The following CALD1 variants were observed in gnomAD, a reference collection of about 807,000 sequenced individuals.
CALD1 encodes caldesmon 1.
In CALD1, 33 loss-of-function variants were observed where a neutral mutation model predicts 99.9. The observed-to-expected ratio is 0.33, with a 90% CI of 0.25 to 0.44. The LOEUF (loss-of-function observed/expected upper bound fraction) is 0.44, where lower values mean the gene tolerates loss of function less well. CALD1 is among the 20% of genes least tolerant of loss of function. CALD1 has a pLI of 1.00. For synonymous variants in CALD1, 310 were observed against 325.0 expected (o/e 0.95, Z 0.50); for missense variants, 861 against 962.1 (o/e 0.89, Z 1.39).
At chr7:134,942,736 ATGTCT>A (rs1806546269) in intron 7 of CALD1, among the ~76,000 whole-genome samples, 1 of 152,226 alleles carries the variant, frequency 6.6e-6, no homozygotes, top group Admixed American at 6.5e-5. Flanking sequence ...AGTTTAAAAG[ATGTCT>A]TGTAAACATA....
intron 3 of CALD1, among the ~76,000 whole-genome samples, chr7:134,921,025 T>C (rs1804581728): frequency 6.6e-6 from 1 of 152,230 alleles, no homozygotes; most frequent in Non-Finnish European, 1.5e-5. Flanking sequence ...GCACAGGGAA[T>C]ATTGAAGAAC....
At position 134,969,180 on chromosome 7, in the gene CALD1, A is replaced by G. The variant is rs1057380390; in HGVS notation, c.*835A>G. On this transcript the variant is annotated 3_prime_UTR_variant, in exon 15 of 15. Transcript: ENST00000361675. ...AAAAATCACACTATATTAATATTTTATATTTGCCAACAGAAACATGGCAGA... is the reference window on the plus strand; with the variant it reads ...AAAAATCACACTATATTAATATTTTGTATTTGCCAACAGAAACATGGCAGA... The G allele has an allele frequency of 5.2e-5, 8 of 152,574 alleles. No individual in the cohort carries two copies. The highest frequency in any genetic ancestry group is 1.4e-4 in the African/African-American group (6 of 41,470). 9.5% of individuals were successfully genotyped at this position (152,574 alleles called of 1,614,324 possible). A position where few individuals can be genotyped will look rare whatever the true frequency, so the allele number is the denominator to read the frequency against.
At chr7:134,951,912 A>G (rs1322846181) in intron 9 of CALD1, among the ~76,000 whole-genome samples, 1 of 152,236 alleles carries the variant, frequency 6.6e-6, no homozygotes, top group Non-Finnish European at 1.5e-5. Context: ...GAATAAAGGA[A>G]TGAATCTTCA....
rs78447510 is a variant in CALD1, at chr7:134,746,583, T to C, written c.-130+2220T>C. Among the ~76,000 whole-genome samples the C allele has an allele frequency of 3.6e-3, 543 of 150,952 alleles. 3 individuals are homozygous for C. The highest frequency in any genetic ancestry group is 0.013 in the African/African-American group (529 of 41,310). ...TGAGGTGCATGCTAGAAAAAGCCTA[T>C]ATTGTGGTGAACTAACTATTAAGGG... is the stretch of plus-strand genomic sequence containing the variant. On this transcript the variant is annotated intron_variant, in intron 1 of 13. Coordinates refer to the CALD1 transcript ENST00000417172.
chr7:134,897,740 C>G (rs1157279338), intron 3 of CALD1, among the ~76,000 whole-genome samples: 1 of 151,986 alleles, frequency 6.6e-6, no homozygotes, highest in Non-Finnish European at 1.5e-5. Flanking sequence ...GGGAAGGTCT[C>G]TGGTCACTCA....
At chr7:134,743,463 G>A (rs1001247435), upstream of CALD1, among the ~76,000 whole-genome samples, 1 of 152,118 alleles carries the variant, frequency 6.6e-6, no homozygotes, top group African/African-American at 2.4e-5. Flanking sequence ...CAAATCTAAG[G>A]GGGGTGGGAA....
intron 3 of CALD1, among the ~76,000 whole-genome samples, chr7:134,902,900 A>G (rs1050348350): frequency 6.6e-6 from 1 of 152,170 alleles, no homozygotes; most frequent in African/African-American, 2.4e-5. Flanking sequence ...TTGTCCTTCA[A>G]TAGGTGAATG....
chr7:134,712,289 C>A, the CALD1 span, among the ~76,000 whole-genome samples: 1 of 152,164 alleles, frequency 6.6e-6, no homozygotes, highest in African/African-American at 2.4e-5. Flanking sequence ...GGAGGTCCAG[C>A]CAACAATATC....
chr7:134,811,228 C>T (rs1798343824), intron 1 of CALD1, among the ~76,000 whole-genome samples: 1 of 152,146 alleles, frequency 6.6e-6, no homozygotes, highest in South Asian at 2.1e-4. Flanking sequence ...AATGCTGAAT[C>T]GAACTGAATT....
At position 134,960,088 on chromosome 7, in the gene CALD1, A is replaced by G. The variant is rs779287206; in HGVS notation, c.2176A>G (p.Thr726Ala). The change falls in exon 12 of 15, where the codon ACT (threonine) becomes GCT (alanine). Residue 726 changes from threonine to alanine, a missense_variant. Physicochemically the swap from Thr to Ala is moderately conservative, Grantham distance 58. This residue lies in a region of CALD1 where 190 missense variants were observed against 249.0 expected (regional missense o/e 0.76). Transcript: ENST00000361675. ...GAAAGGGAATGTGTTTTCATCCCCC[A>G]CTGCAGCAGGCACACCAAATAAGGT... The part of the protein sequence containing the change: ...WEKGNVFSSP[T>A]AAGTPNKETA... 17 of 1,614,028 alleles carry G rather than the reference A, an allele frequency of 1.1e-5. No individual in the cohort carries two copies. The highest frequency in any genetic ancestry group is 1.3e-5 in the Non-Finnish European group (15 of 1,179,996).
At chr7:134,781,313 G>A (rs939698987) in intron 1 of CALD1, among the ~76,000 whole-genome samples, 1 of 152,138 alleles carries the variant, frequency 6.6e-6, no homozygotes, top group African/African-American at 2.4e-5. Context: ...TGGGATTTGA[G>A]GATAAATTCC....
intron 1 of CALD1, among the ~76,000 whole-genome samples, chr7:134,807,108 G>C (rs951652928): frequency 6.6e-6 from 1 of 152,132 alleles, no homozygotes; most frequent in African/African-American, 2.4e-5. Context: ...CATCATCATG[G>C]GCAGAGGACT....
At chr7:134,824,873 C>T (rs1335718960) in intron 1 of CALD1, among the ~76,000 whole-genome samples, 2 of 152,102 alleles carry the variant, frequency 1.3e-5, no homozygotes, top group East Asian at 1.9e-4. Flanking sequence ...TAGAGATATA[C>T]GTCACTTGGT....
intron 2 of CALD1, among the ~76,000 whole-genome samples, chr7:134,853,784 A>T (rs1800178039): frequency 6.6e-6 from 1 of 152,122 alleles, no homozygotes; most frequent in Non-Finnish European, 1.5e-5. Context: ...AGGTATACAC[A>T]TGCCATGGTG....
At chr7:134,739,009 A>G in the CALD1 span, among the ~76,000 whole-genome samples, 28 of 152,162 alleles carry the variant, frequency 1.8e-4, no homozygotes, top group Non-Finnish European at 4.4e-5. Context: ...TCAATCCACA[A>G]CTTAGCACAT....
chr7:134,835,195 G>T (rs1799384031), intron 1 of CALD1, among the ~76,000 whole-genome samples: 1 of 152,132 alleles, frequency 6.6e-6, no homozygotes, highest in Non-Finnish European at 1.5e-5. Flanking sequence ...TTTGCTTTTG[G>T]TTGCAAGGGT....
chr7:134,848,839 C>A (rs894286980), intron 2 of CALD1, among the ~76,000 whole-genome samples: 43 of 152,148 alleles, frequency 2.8e-4, no homozygotes, highest in African/African-American at 1.0e-3. Context: ...TTTTAAAATG[C>A]AATTATAAGT....
chr7:134,732,792 T>C, the CALD1 span, among the ~76,000 whole-genome samples: 2 of 152,254 alleles, frequency 1.3e-5, no homozygotes, highest in Admixed American at 6.5e-5. Flanking sequence ...TATATTTTTA[T>C]ATCTAAAGAC....
At chr7:134,741,132 A>G (rs1796588621), upstream of CALD1, among the ~76,000 whole-genome samples, 1 of 152,070 alleles carries the variant, frequency 6.6e-6, no homozygotes. Context: ...CCATTCTCAC[A>G]CTGCCATAAG....
Sources: allele counts gnomAD v4.1 joint callset (sites outside exome capture counted in the v4.1 genomes callset), GRCh38; gene constraint gnomAD v4.1.1; regional missense constraint gnomAD v4.1.1; transcripts MANE v1.5; gene names NCBI Gene and HGNC (gene_info 2026-07-23, HGNC 2026-07-21).